The following ENTREP1 variants were observed in gnomAD, a reference collection of about 807,000 sequenced individuals.
ENTREP1 encodes the protein Friedreich ataxia region gene X123.
At chr9:69,388,044 T>G in the ENTREP1 span, 1 of 1,592,030 alleles carries the variant, frequency 6.3e-7, no homozygotes, top group African/African-American at 1.3e-5. Flanking sequence ...TGCATGGCTA[T>G]CAGCATTTGT....
chr9:69,386,625 G>A, the ENTREP1 span: 10 of 152,190 alleles, frequency 6.6e-5, no homozygotes, highest in Non-Finnish European at 8.8e-5. Context: ...ACCAGCACCA[G>A]CTTCTTCTTG....
At chr9:69,331,464 T>G in the ENTREP1 span, among the ~76,000 whole-genome samples, 2 of 152,230 alleles carry the variant, frequency 1.3e-5, no homozygotes, top group African/African-American at 4.8e-5. Flanking sequence ...GAAAGCCCTC[T>G]GCTTTTTCCT....
chr9:69,347,042 C>G, the ENTREP1 span, among the ~76,000 whole-genome samples: 10 of 152,302 alleles, frequency 6.6e-5, 1 homozygote, highest in East Asian at 7.7e-4. Context: ...ATTGGAGCAC[C>G]CTGTGGCCTC....
chr9:69,386,349 T>G, the ENTREP1 span: 2 of 153,162 alleles, frequency 1.3e-5, no homozygotes. Context: ...ATATTTTTAC[T>G]ATGTATGAGT....
chr9:69,348,721 T>C, the ENTREP1 span, among the ~76,000 whole-genome samples: 1 of 152,262 alleles, frequency 6.6e-6, no homozygotes, highest in Non-Finnish European at 1.5e-5. Context: ...TGTAATTGAC[T>C]TCTTCCAGTT....
At chr9:69,374,248 G>GT in the ENTREP1 span, among the ~76,000 whole-genome samples, 1 of 151,772 alleles carries the variant, frequency 6.6e-6, no homozygotes, top group Non-Finnish European at 1.5e-5. Flanking sequence ...GAATTTTTTT[G>GT]TTTTTTTGTT....
At chr9:69,325,183 T>C in the ENTREP1 span, 13 of 1,029,482 alleles carry the variant, frequency 1.3e-5, no homozygotes, top group Non-Finnish European at 1.5e-5. Context: ...GCGCATTTCC[T>C]TCCCTCCCCC....
chr9:69,339,588 G>T, the ENTREP1 span, among the ~76,000 whole-genome samples: 1 of 152,016 alleles, frequency 6.6e-6, no homozygotes, highest in African/African-American at 2.4e-5. Context: ...TCAGTTTCCC[G>T]AGTTTAAGGA....
At chr9:69,343,448 G>T in the ENTREP1 span, among the ~76,000 whole-genome samples, 3,187 of 151,948 alleles carry the variant, frequency 0.021, 46 homozygotes, top group Middle Eastern at 0.068. Context: ...CTGGATGATT[G>T]TTTTTTTTGA....
At chr9:69,384,372 A>AT in the ENTREP1 span, among the ~76,000 whole-genome samples, 1 of 152,206 alleles carries the variant, frequency 6.6e-6, no homozygotes, top group African/African-American at 2.4e-5. Context: ...TATCCTTGGA[A>AT]TTTTTTATGA....
chr9:69,383,512 G>T, the ENTREP1 span: 3 of 1,538,732 alleles, frequency 1.9e-6, no homozygotes, highest in Admixed American at 1.9e-5. Context: ...GGAGACCATG[G>T]TATGGAGAGG....
chr9:69,378,232 T>G, the ENTREP1 span, among the ~76,000 whole-genome samples: 3 of 152,324 alleles, frequency 2.0e-5, no homozygotes, highest in East Asian at 5.8e-4. Flanking sequence ...GATGTTTCAT[T>G]GTAATACCAT....
the ENTREP1 span, among the ~76,000 whole-genome samples, chr9:69,350,181 A>AT: frequency 6.6e-6 from 1 of 151,820 alleles, no homozygotes; most frequent in African/African-American, 2.4e-5. Context: ...TACTCCTATA[A>AT]TTTTTTTCTA....
chr9:69,389,392 C>T, the ENTREP1 span, among the ~76,000 whole-genome samples: 1 of 152,208 alleles, frequency 6.6e-6, no homozygotes, highest in African/African-American at 2.4e-5. Context: ...CCCCTTTCTA[C>T]CTGCTGGCCT....
At chr9:69,361,863 C>T in the ENTREP1 span, among the ~76,000 whole-genome samples, 2 of 152,078 alleles carry the variant, frequency 1.3e-5, no homozygotes, top group African/African-American at 4.8e-5. Flanking sequence ...TTCTCAGGAC[C>T]ACTGAGTCAA....
chr9:69,388,135 ATGT>A, the ENTREP1 span: 2 of 1,614,098 alleles, frequency 1.2e-6, no homozygotes, highest in East Asian at 2.2e-5. Flanking sequence ...CAATGGGTAC[ATGT>A]TGTTTGTTTC....
At chr9:69,324,903 T>C in the ENTREP1 span, 1 of 973,864 alleles carries the variant, frequency 1.0e-6, no homozygotes, top group Admixed American at 6.5e-5. Context: ...CGCTGACGTG[T>C]CCTGGCCGTG....
chr9:69,371,448 C>A, the ENTREP1 span: 1 of 1,215,740 alleles, frequency 8.2e-7, no homozygotes. Context: ...AAAACTCTGT[C>A]TGAATTTAGC....
At chr9:69,367,397 CAT>C in the ENTREP1 span, among the ~76,000 whole-genome samples, 2 of 150,814 alleles carry the variant, frequency 1.3e-5, no homozygotes, top group East Asian at 1.9e-4. Context: ...TGAAAAATGT[CAT>C]TGATATTTTG....
Sources: allele counts gnomAD v4.1 joint callset (sites outside exome capture counted in the v4.1 genomes callset), GRCh38; gene constraint gnomAD v4.1.1; transcripts MANE v1.5; gene names NCBI Gene and HGNC (gene_info 2026-07-23, HGNC 2026-07-21).